Variants in HACD2 observed in about 807,000 individuals in gnomAD.
The protein encoded by HACD2 is very-long-chain (3R)-3-hydroxyacyl-CoA dehydratase 2.
HACD2 carries 15 observed loss-of-function variants against 31.0 expected under a neutral mutation model. That is an observed-to-expected ratio of 0.48 (90% CI 0.32 to 0.75). The LOEUF is 0.75. Among genes scored for constraint, HACD2 ranks in the 30% least tolerant of loss-of-function variants. HACD2 has a pLI of 0.03. For missense variants in HACD2, 283 were observed against 313.0 expected, an observed-to-expected ratio of 0.90 and a Z score of 0.72; for synonymous variants, 115 against 122.2, an observed-to-expected ratio of 0.94 and a Z score of 0.39.
intron 6 of HACD2, chr3:123,499,573 C>T (rs953866186): frequency 4.5e-6 from 2 of 446,496 alleles, no homozygotes; most frequent in Non-Finnish European, 4.5e-6. Context: ...AAGCATGTCG[C>T]TTTGTTAGGG....
At chr3:123,530,387 G>A (rs2056342958) in intron 3 of HACD2, among the ~76,000 whole-genome samples, 1 of 151,740 alleles carries the variant, frequency 6.6e-6, no homozygotes, top group African/African-American at 2.4e-5. Context: ...AAGTAGCTGG[G>A]ACCACACGGT....
chr3:123,561,294 T>TA (rs1176621781), intron 3 of HACD2, among the ~76,000 whole-genome samples: 3 of 152,180 alleles, frequency 2.0e-5, no homozygotes, highest in Admixed American at 6.5e-5. Context: ...GGAATTCACT[T>TA]AAAATTTTTT....
chr3:123,519,896 C>T (rs375320748), intron 4 of HACD2, among the ~76,000 whole-genome samples: 12 of 152,328 alleles, frequency 7.9e-5, no homozygotes, highest in African/African-American at 2.4e-4. Flanking sequence ...AACATGCTCA[C>T]GATGCATACC....
chr3:123,523,606 C>T (rs1671555677), intron 4 of HACD2, among the ~76,000 whole-genome samples: 1 of 152,212 alleles, frequency 6.6e-6, no homozygotes, highest in Admixed American at 6.5e-5. Flanking sequence ...GCTAAGCCTC[C>T]ACATTCTAGA....
In HACD2 at chr3:123,548,428, C is replaced by T. The variant is rs143211385; in HGVS notation, c.292+19334G>A. The stretch of plus-strand genomic sequence containing the variant: ...CTACAGCCCTAGCCAACACTTTGAC[C>T]GCAACTGCATGAGAGACTGGGCCAG... On this transcript the variant is annotated intron_variant, in intron 3 of 6. Transcript: ENST00000383657. Among the ~76,000 whole-genome samples the T allele has an allele frequency of 7.4e-4, 113 of 152,220 alleles. 1 individual carries two copies. Among genetic ancestry groups the T allele is most frequent in the Non-Finnish European group, 1.4e-3 (98 of 68,010 alleles).
chr3:123,564,637 A>G (rs757615750), intron 3 of HACD2, among the ~76,000 whole-genome samples: 15 of 152,184 alleles, frequency 9.9e-5, no homozygotes, highest in Non-Finnish European at 1.9e-4. Flanking sequence ...GGGTTCAGGT[A>G]TCGATGGGCA....
chr3:123,520,599 C>A (rs2056201355), intron 4 of HACD2, among the ~76,000 whole-genome samples: 1 of 152,186 alleles, frequency 6.6e-6, no homozygotes, highest in Non-Finnish European at 1.5e-5. Context: ...AGAGGAAATA[C>A]CCACAGCAAA....
chr3:123,515,907 C>T (rs2056129047), intron 4 of HACD2, among the ~76,000 whole-genome samples: 1 of 151,930 alleles, frequency 6.6e-6, no homozygotes, highest in African/African-American at 2.4e-5. Flanking sequence ...CAGGTATGCA[C>T]CACCATGCCC....
At chr3:123,552,978 T>C (rs1361088341) in intron 3 of HACD2, among the ~76,000 whole-genome samples, 1 of 151,938 alleles carries the variant, frequency 6.6e-6, no homozygotes, top group Non-Finnish European at 1.5e-5. Context: ...GCAAAGAAGA[T>C]CCAACACACA....
At chr3:123,545,263 C>T (rs534406126) in intron 3 of HACD2, among the ~76,000 whole-genome samples, 5 of 150,502 alleles carry the variant, frequency 3.3e-5, no homozygotes, top group Admixed American at 6.6e-5. Flanking sequence ...AGGCAGATCA[C>T]TTGAGGTCAG....
intron 3 of HACD2, among the ~76,000 whole-genome samples, chr3:123,550,310 AG>A (rs1353002330): frequency 6.6e-6 from 1 of 152,204 alleles, no homozygotes; most frequent in Non-Finnish European, 1.5e-5. Flanking sequence ...AGGACTGAAG[AG>A]AATGTGAATA....
At chr3:123,505,025 G>A (rs1246454813) in intron 4 of HACD2, among the ~76,000 whole-genome samples, 2 of 152,174 alleles carry the variant, frequency 1.3e-5, no homozygotes, top group Non-Finnish European at 2.9e-5. Context: ...AGCAAGATGT[G>A]GTCTATACAT....
At chr3:123,513,269 T>A (rs1421010315) in intron 4 of HACD2, among the ~76,000 whole-genome samples, 1 of 152,204 alleles carries the variant, frequency 6.6e-6, no homozygotes, top group Non-Finnish European at 1.5e-5. Flanking sequence ...GAATGCCAAC[T>A]CCCATGTGTA....
intron 3 of HACD2, among the ~76,000 whole-genome samples, chr3:123,558,972 G>C (rs6438802): frequency 0.49 from 73,933 of 152,066 alleles, 22,125 homozygotes; most frequent in African/African-American, 0.84. Context: ...TCAAACTCAT[G>C]TTGGATTTAA....
chr3:123,568,232 T>C (rs560788641), intron 2 of HACD2, among the ~76,000 whole-genome samples: 4 of 152,188 alleles, frequency 2.6e-5, no homozygotes, highest in African/African-American at 4.8e-5. Flanking sequence ...TCTACTAAGT[T>C]CCACCCTCAG....
At chr3:123,561,319 T>C (rs1042658258) in intron 3 of HACD2, among the ~76,000 whole-genome samples, 2 of 152,172 alleles carry the variant, frequency 1.3e-5, no homozygotes. Context: ...AAGTGTCTTC[T>C]GTTTGAGGGA....
chr3:123,552,510 CT>C (rs2056630255), intron 3 of HACD2, among the ~76,000 whole-genome samples: 1 of 152,198 alleles, frequency 6.6e-6, no homozygotes, highest in Non-Finnish European at 1.5e-5. Context: ...AACTTCCAAT[CT>C]TGTCTACAAA....
At chr3:123,559,203 C>G (rs1374769187) in intron 3 of HACD2, among the ~76,000 whole-genome samples, 1 of 152,120 alleles carries the variant, frequency 6.6e-6, no homozygotes, top group Non-Finnish European at 1.5e-5. Flanking sequence ...TCCCGAAGCC[C>G]TATAATTTCT....
intron 3 of HACD2, among the ~76,000 whole-genome samples, chr3:123,554,884 C>T (rs1400337035): frequency 3.3e-5 from 5 of 152,228 alleles, no homozygotes; most frequent in Non-Finnish European, 7.4e-5. Context: ...AAAGTCACAA[C>T]TGACAATGAA....
Sources: gnomAD v4.1 joint callset for allele counts (sites outside exome capture counted in the v4.1 genomes callset) on GRCh38, gnomAD v4.1.1 for gene constraint, MANE v1.5 for transcripts, NCBI Gene and HGNC (gene_info 2026-07-23, HGNC 2026-07-21) for gene names.